DDHD1: variants seen among roughly 807,000 people sequenced by gnomAD.
The protein encoded by DDHD1 is phospholipase DDHD1.
DDHD1 carries 49 observed loss-of-function variants against 96.4 expected under a neutral mutation model. The observed-to-expected ratio is 0.51, with a 90% confidence interval of 0.40 to 0.64. The LOEUF is 0.64. DDHD1 is among the 30% of genes least tolerant of loss of function. DDHD1 has a pLI of 0.00. For missense variants in DDHD1, 1,106 were observed against 1,161.2 expected (o/e 0.95, Z 0.69); for synonymous variants, 442 against 446.5 (o/e 0.99, Z 0.13).
chr14:53,078,728 G>A (rs772819708), intron 4 of DDHD1, among the ~76,000 whole-genome samples: 6 of 152,066 alleles, frequency 3.9e-5, no homozygotes, highest in Non-Finnish European at 5.9e-5. Context: ...TGGCTGAAAC[G>A]TACAGTACAA....
intron 1 of DDHD1, among the ~76,000 whole-genome samples, chr14:53,144,758 G>A (rs1272292907): frequency 6.6e-6 from 1 of 152,212 alleles, no homozygotes; most frequent in East Asian, 1.9e-4. Flanking sequence ...AGTAGTTGCA[G>A]TAAGTTGTAA....
intron 1 of DDHD1, among the ~76,000 whole-genome samples, chr14:53,143,202 T>G (rs1345743730): frequency 6.6e-6 from 1 of 152,214 alleles, no homozygotes; most frequent in African/African-American, 2.4e-5. Flanking sequence ...CTGGATCCAG[T>G]GGTCCTTAAC....
intron 2 of DDHD1, among the ~76,000 whole-genome samples, chr14:53,094,270 A>G (rs17126118): frequency 0.16 from 23,871 of 152,252 alleles, 2,285 homozygotes; most frequent in East Asian, 0.34. Flanking sequence ...AAAATAATCT[A>G]TTAGAAAATG....
At chr14:53,061,331 A>G (rs1487104357) in intron 7 of DDHD1, 130 bp from the exon 8 acceptor site, 10 of 645,844 alleles carry the variant, frequency 1.5e-5, no homozygotes, top group Non-Finnish European at 2.4e-5. Context: ...CCTGGTTGAC[A>G]GTATTTAATA....
At chr14:53,082,632 G>T (rs747583320) in intron 4 of DDHD1, among the ~76,000 whole-genome samples, 19 of 151,570 alleles carry the variant, frequency 1.3e-4, no homozygotes, top group Non-Finnish European at 2.1e-4. Flanking sequence ...GGTGACGTGT[G>T]ACTGTAGTTC....
At chr14:53,099,985 A>C (rs902743255) in intron 2 of DDHD1, among the ~76,000 whole-genome samples, 8 of 152,142 alleles carry the variant, frequency 5.3e-5, no homozygotes, top group African/African-American at 1.9e-4. Context: ...AAAGTTAATA[A>C]GGAGGAAAAG....
At chr14:53,111,642 C>T (rs918054575) in intron 1 of DDHD1, among the ~76,000 whole-genome samples, 2 of 152,022 alleles carry the variant, frequency 1.3e-5, no homozygotes, top group African/African-American at 2.4e-5. Context: ...TTACCCCCCC[C>T]CAAAAAAATA....
rs1595187457 is a variant in DDHD1 at position 53,107,660 on chromosome 14, AC to A, written c.839-3805del. ...ACAAAAATTAGCCAGGCATGGTGGTACACACCTATAGTCCCAGCTACTTGGG... is the reference window on the plus strand; with the variant it reads ...ACAAAAATTAGCCAGGCATGGTGGTAACACCTATAGTCCCAGCTACTTGGG... On this transcript the variant is annotated intron_variant, in intron 1 of 12. Coordinates refer to ENST00000673822, the MANE Select transcript of DDHD1 (RefSeq NM_001160148.2). Among the ~76,000 whole-genome samples, 3 of 152,254 alleles carry A rather than the reference AC, an allele frequency of 2.0e-5. No homozygotes were observed. In the East Asian group the frequency reaches 5.8e-4, roughly 29 times the overall value.
chr14:53,109,533 G>C (rs189819515), intron 1 of DDHD1, among the ~76,000 whole-genome samples: 4 of 152,230 alleles, frequency 2.6e-5, no homozygotes, highest in African/African-American at 7.2e-5. Context: ...GGTATCATCT[G>C]TCTTGCGGTA....
At chr14:53,077,523 T>C in intron 4 of DDHD1, among the ~76,000 whole-genome samples, 1 of 152,196 alleles carries the variant, frequency 6.6e-6, no homozygotes, top group East Asian at 1.9e-4. Context: ...TATATTTTGA[T>C]GTCATTGCTA....
chr14:53,063,550 T>C (rs932809644), intron 6 of DDHD1, among the ~76,000 whole-genome samples: 10 of 152,072 alleles, frequency 6.6e-5, no homozygotes, highest in Non-Finnish European at 1.3e-4. Context: ...CGCAAATTTC[T>C]TTTTTGTTGT....
At chr14:53,050,262 T>C (rs776301759) in intron 12 of DDHD1, among the ~76,000 whole-genome samples, 1 of 152,146 alleles carries the variant, frequency 6.6e-6, no homozygotes, top group Non-Finnish European at 1.5e-5. Context: ...GCATGGGGTA[T>C]GAAGAGAAAT....
At chr14:53,082,496 C>T (rs1439983753) in intron 4 of DDHD1, among the ~76,000 whole-genome samples, 4 of 145,618 alleles carry the variant, frequency 2.7e-5, no homozygotes, top group South Asian at 4.3e-4. Context: ...TGGTGGCTCA[C>T]GCCTGTGATC....
At chr14:53,069,029 T>C (rs1194363690) in intron 6 of DDHD1, among the ~76,000 whole-genome samples, 2 of 152,226 alleles carry the variant, frequency 1.3e-5, no homozygotes, top group African/African-American at 4.8e-5. Flanking sequence ...TATGAACTTA[T>C]AATTTTTTCA....
intron 1 of DDHD1, among the ~76,000 whole-genome samples, chr14:53,145,657 T>C (rs575914496): frequency 6.6e-6 from 1 of 152,274 alleles, no homozygotes; most frequent in South Asian, 2.1e-4. Context: ...AGATTTCCAT[T>C]CATATAGTTA....
At chr14:53,099,558 G>A (rs1485651803) in intron 2 of DDHD1, among the ~76,000 whole-genome samples, 2 of 152,160 alleles carry the variant, frequency 1.3e-5, no homozygotes, top group Admixed American at 6.5e-5. Context: ...TTTTTGGGCA[G>A]AGTGATGTGC....
chr14:53,075,187 TGA>T (rs1437755681), intron 4 of DDHD1, among the ~76,000 whole-genome samples: 2 of 152,076 alleles, frequency 1.3e-5, no homozygotes, highest in African/African-American at 2.4e-5. Flanking sequence ...TTGAGCTTAG[TGA>T]GAGAGGCATG....
intron 6 of DDHD1, among the ~76,000 whole-genome samples, chr14:53,065,919 C>A (rs1357965244): frequency 6.6e-6 from 1 of 152,132 alleles, no homozygotes; most frequent in African/African-American, 2.4e-5. Context: ...CAGAATAAGT[C>A]TATTAAAAAT....
intron 4 of DDHD1, among the ~76,000 whole-genome samples, chr14:53,091,100 T>A (rs1886395895): frequency 6.6e-6 from 1 of 152,184 alleles, no homozygotes; most frequent in African/African-American, 2.4e-5. Flanking sequence ...TCTCTTGGCA[T>A]CATCTATAAC....
Sources: gnomAD v4.1 joint callset for allele counts (sites outside exome capture counted in the v4.1 genomes callset) on GRCh38, gnomAD v4.1.1 for gene constraint, MANE v1.5 for transcripts, NCBI Gene and HGNC (gene_info 2026-07-23, HGNC 2026-07-21) for gene names.